Variants in LAMA2 observed in about 807,000 individuals in gnomAD.
LAMA2 encodes the protein laminin subunit alpha-2.
Under a neutral mutation model 364.8 loss-of-function variants are expected in LAMA2, and 269 were observed. That is an observed-to-expected ratio of 0.74 (90% CI 0.67 to 0.82). The LOEUF is 0.82. LAMA2 is among the 40% of genes least tolerant of loss of function. LAMA2 has a pLI of 0.00. For missense variants in LAMA2, 3,807 were observed against 3,873.2 expected (o/e 0.98, Z 0.45); for synonymous variants, 1,379 against 1,370.6 (o/e 1.01, Z -0.14).
chr6:128,917,547 A>G (rs551114449), intron 1 of LAMA2, among the ~76,000 whole-genome samples: 100 of 152,218 alleles, frequency 6.6e-4, no homozygotes, highest in Admixed American at 3.0e-3. Context: ...AAATGAAATG[A>G]GAAGAGCTTC....
At chr6:129,470,744 G>T (rs1191263480) in intron 51 of LAMA2, among the ~76,000 whole-genome samples, 1 of 151,872 alleles carries the variant, frequency 6.6e-6, no homozygotes, top group East Asian at 1.9e-4. Context: ...AGTGGGAGAG[G>T]AATTGAAATA....
At chr6:129,267,703 G>A (rs1787614935) in intron 16 of LAMA2, among the ~76,000 whole-genome samples, 1 of 151,978 alleles carries the variant, frequency 6.6e-6, no homozygotes, top group South Asian at 2.1e-4. Context: ...AATGCATAGT[G>A]TCATTTGTAG....
At position 129,288,199 on chromosome 6, in the gene LAMA2, G is replaced by A. The variant is rs1789418900; in HGVS notation, c.2749+141G>A. On this transcript the variant is annotated intron_variant, in intron 19 of 64. Coordinates refer to ENST00000421865, the MANE Select transcript of LAMA2 (RefSeq NM_000426.4). ...TAGATGCATAGAATATACAGAGTCT[G>A]CATATTCCAGAACATTTCCTTGTAC... 17 of 750,860 alleles carry A rather than the reference G, an allele frequency of 2.3e-5. No homozygotes were observed. The South Asian group carries it at 2.3e-4, about 10-fold the overall frequency. 46.5% of individuals were successfully genotyped at this position (750,860 alleles called of 1,614,324 possible).
In LAMA2 at chr6:129,158,250, A is replaced by C. The variant is rs1779241695; in HGVS notation, c.1206+3567A>C. On this transcript the variant is annotated intron_variant, in intron 8 of 64. Transcript: ENST00000421865. ...TGTACCTTTAATATCTGCCGCTATG[A>C]AACCAAGTATGTTTTCATGGCGCAT... 8 of 1,614,038 alleles carry C rather than the reference A, an allele frequency of 5.0e-6. No homozygotes were observed. In the South Asian group the frequency reaches 8.8e-5, roughly 18 times the overall value.
chr6:129,460,149 ATTAT>A (rs751697419), intron 48 of LAMA2, 47 bp from the exon 49 acceptor site: 1 of 1,583,192 alleles, frequency 6.3e-7, no homozygotes, highest in Non-Finnish European at 8.7e-7. Flanking sequence ...ATAAACCAAG[ATTAT>A]TTGTGAAATT....
intron 1 of LAMA2, among the ~76,000 whole-genome samples, chr6:128,910,625 C>G (rs1582654813): frequency 1.3e-5 from 2 of 151,710 alleles, no homozygotes; most frequent in African/African-American, 2.4e-5. Context: ...CTGAAGCCTT[C>G]TTCTCTCAGC....
chr6:129,119,627 A>G (rs956715683), intron 4 of LAMA2, among the ~76,000 whole-genome samples: 21 of 152,242 alleles, frequency 1.4e-4, no homozygotes, highest in Admixed American at 1.3e-3. Context: ...GGCTCACTGC[A>G]AGCTCCGCCT....
intron 1 of LAMA2, among the ~76,000 whole-genome samples, chr6:128,893,892 TAGAAG>T (rs1166701192): frequency 6.6e-6 from 1 of 152,102 alleles, no homozygotes; most frequent in African/African-American, 2.4e-5. Context: ...TCTGGCTTAA[TAGAAG>T]AGAACTGGAT....
chr6:129,159,151 C>T lies in LAMA2; in HGVS notation c.1206+4468C>T, dbSNP rs886477093. On this transcript the variant is annotated intron_variant, in intron 8 of 64. Coordinates refer to ENST00000421865, the MANE Select transcript of LAMA2 (RefSeq NM_000426.4). ...AATTGTAATGTTTCCTGTGTACTGT[C>T]ACCTTTAGTAATTGGTCTTGCTACT... The T allele has an allele frequency of 2.6e-6, 4 of 1,514,164 alleles. No homozygotes were observed. In the African/African-American group the frequency reaches 5.5e-5, roughly 21 times the overall value. The allele number at this position is 1,514,164 out of a possible 1,614,324, so 93.8% of individuals were successfully genotyped here.
At position 129,163,688 on chromosome 6, in the gene LAMA2, A is replaced by G. The variant is rs568689494; in HGVS notation, c.1207-1888A>G. ...ATTCTCATTATATTTACTTTTAACA[A>G]TAGTATCATGTTTGAGAAAACTTTG... is the stretch of plus-strand genomic sequence containing the variant. On this transcript the variant is annotated intron_variant, in intron 8 of 64. Coordinates refer to ENST00000421865, the MANE Select transcript of LAMA2 (RefSeq NM_000426.4). Among the ~76,000 whole-genome samples the G allele has an allele frequency of 1.0e-3, 154 of 152,304 alleles. 1 individual carries two copies. The highest frequency in any genetic ancestry group is 1.2e-3 in the Non-Finnish European group (85 of 68,022).
chr6:129,181,896 A>G (rs1780953287), intron 10 of LAMA2, among the ~76,000 whole-genome samples: 1 of 151,734 alleles, frequency 6.6e-6, no homozygotes. Context: ...AACCAGCAAG[A>G]CAAAGAGAAA....
At chr6:129,245,072 A>T (rs1421149611) in intron 12 of LAMA2, among the ~76,000 whole-genome samples, 1 of 152,116 alleles carries the variant, frequency 6.6e-6, no homozygotes, top group Non-Finnish European at 1.5e-5. Context: ...ATCTCCAGGA[A>T]TGGAGGTAAA....
At chr6:129,476,964 C>T (rs1481253581) in intron 53 of LAMA2, among the ~76,000 whole-genome samples, 1 of 152,058 alleles carries the variant, frequency 6.6e-6, no homozygotes, top group Non-Finnish European at 1.5e-5. Flanking sequence ...TGTTTTTCCA[C>T]CTGTTTTTCC....
chr6:128,955,426 G>A (rs752630121), intron 1 of LAMA2, among the ~76,000 whole-genome samples: 1 of 151,848 alleles, frequency 6.6e-6, no homozygotes, highest in Non-Finnish European at 1.5e-5. Context: ...TTAACCACTA[G>A]CCTACATGGC....
At chr6:129,491,279 A>G (rs1307209371) in intron 56 of LAMA2, among the ~76,000 whole-genome samples, 3 of 152,226 alleles carry the variant, frequency 2.0e-5, no homozygotes, top group African/African-American at 7.2e-5. Context: ...GTAAATAAGT[A>G]GCATGAGGTT....
In LAMA2 at chr6:129,445,674, T is replaced by C. The variant is rs368534834; in HGVS notation, c.6282T>C (p.Asp2094=). Residue 2094 remains aspartate, a synonymous_variant, in exon 45 of 65, where the codon GAT becomes GAC. Coordinates refer to ENST00000421865, the MANE Select transcript of LAMA2 (RefSeq NM_000426.4). ...KDPSKNKIIA[D]ADATVKNLEQ... is the part of the protein sequence containing the mutation. ...TAATTTTGTTCTATGCAGTTGCCGA[T>C]GCAGATGCCACTGTCAAAAATTTAG... The C allele has an allele frequency of 9.9e-6, 16 of 1,613,846 alleles. No homozygotes were observed. The African/African-American group carries it at 1.6e-4, about 16-fold the overall frequency.
Position 129,080,198 on chromosome 6 carries a change from A to G in LAMA2, c.397-17975A>G, listed in dbSNP as rs568524644. On this transcript the variant is annotated intron_variant, in intron 3 of 64. Transcript: ENST00000421865. ...AGAAAGATACTATTATAATTAGTAC[A>G]TTTTGTATCACAGAAATTAAACAAC... Among the ~76,000 whole-genome samples the G allele has an allele frequency of 2.6e-5, 4 of 152,282 alleles. No individual in the cohort carries two copies. In the South Asian group the frequency reaches 8.3e-4, roughly 32 times the overall value.
At chr6:129,370,034 T>C (rs760500720) in intron 34 of LAMA2, 44 bp downstream of exon 34, 82 of 1,500,422 alleles carry the variant, frequency 5.5e-5, no homozygotes, top group Non-Finnish European at 7.0e-5. Context: ...AGATAGATTA[T>C]GTCAATGAAG....
At chr6:129,479,081 C>CT (rs1784227484) in intron 54 of LAMA2, among the ~76,000 whole-genome samples, 1 of 152,096 alleles carries the variant, frequency 6.6e-6, no homozygotes. Flanking sequence ...CTGTTTTTCT[C>CT]TTTTTTTCCA....
Sources: gnomAD v4.1 joint callset for allele counts (sites outside exome capture counted in the v4.1 genomes callset) on GRCh38, gnomAD v4.1.1 for gene constraint, MANE v1.5 for transcripts, NCBI Gene and HGNC (gene_info 2026-07-23, HGNC 2026-07-21) for gene names.